Variants in TCP1 observed in about 807,000 individuals in gnomAD.
The protein encoded by TCP1 is t-complex 1.
A neutral mutation model predicts 54.7 loss-of-function variants in TCP1; 6 were observed. That is an observed-to-expected ratio of 0.11 (90% CI 0.06 to 0.22). The LOEUF (loss-of-function observed/expected upper bound fraction) is 0.22. TCP1 is among the 10% of genes least tolerant of loss of function. The pLI is 1.00. For missense variants in TCP1, 511 were observed against 678.2 expected (o/e 0.75, Z 2.74); for synonymous variants, 225 against 229.7 (o/e 0.98, Z 0.19).
rs1181094729 is a variant in TCP1, at chr6:159,778,972, T to C, written c.*73A>G. ...CCAAGTTTACAGCTTGTACTTTACTTTAATGTGTAATACTCAACTCAAGGT... is the reference window on the plus strand; with the variant it reads ...CCAAGTTTACAGCTTGTACTTTACTCTAATGTGTAATACTCAACTCAAGGT... On this transcript the variant is annotated 3_prime_UTR_variant, in exon 12 of 12. Transcript: ENST00000321394. 6.4e-7 allele frequency: 1 copy of C among 1,563,794 alleles called. No homozygotes were observed. The highest frequency in any genetic ancestry group is 1.4e-5 in the African/African-American group (1 of 73,578).
At position 159,784,001 on chromosome 6, in the gene TCP1, A is replaced by G; in HGVS notation, c.737T>C (p.Met246Thr). The G allele has an allele frequency of 6.2e-7, 1 of 1,613,430 alleles. No individual in the cohort carries two copies. Among genetic ancestry groups the G allele is most frequent in the South Asian group, 1.1e-5 (1 of 91,022 alleles). ...AATGACCACCTGTACACCAAGCTTCATTTTTGTTTTTTGCAGGCTGAAGTC... is the reference window on the plus strand; with the variant it reads ...AATGACCACCTGTACACCAAGCTTCGTTTTTGTTTTTTGCAGGCTGAAGTC... ...CLDFSLQKTK[M>T]KLGVQVVITD... The change falls in exon 7 of 12, where the codon ATG (methionine) becomes ACG (threonine). Residue 246 changes from methionine to threonine, a missense_variant. This residue lies in a region of TCP1 where 305 missense variants were observed against 352.8 expected (regional missense o/e 0.86). Transcript: ENST00000321394.
At chr6:159,785,190 C>T (rs939463117) in intron 5 of TCP1, 196 bp downstream of exon 5, 3 of 613,354 alleles carry the variant, frequency 4.9e-6, no homozygotes, top group Non-Finnish European at 8.6e-6. Context: ...GTGCGCGCAA[C>T]ACATGCGCAC....
intron 3 of TCP1, 133 bp downstream of exon 3, chr6:159,787,610 C>T: frequency 8.4e-7 from 1 of 1,189,144 alleles, no homozygotes; most frequent in Non-Finnish European, 1.2e-6. Context: ...GTTTTTTCTT[C>T]TTGCTCAATC....
intron 3 of TCP1, among the ~76,000 whole-genome samples, chr6:159,786,667 T>TA (rs1780704896): frequency 6.6e-6 from 1 of 152,250 alleles, no homozygotes; most frequent in Non-Finnish European, 1.5e-5. Flanking sequence ...TATCGTAAGT[T>TA]AGACAAAGAT....
At position 159,785,875 on chromosome 6, in the gene TCP1, T is replaced by C. The variant is rs751094594; in HGVS notation, c.377+25A>G. 8 of 1,593,280 alleles carry C rather than the reference T, an allele frequency of 5.0e-6. No individual in the cohort carries two copies. In the South Asian group the frequency reaches 8.8e-5, roughly 18 times the overall value. ...TTTACAACTATTACATCAAAAAAAATTTCTCTGAATGCAAACAATCTTACT... is the reference window on the plus strand; with the variant it reads ...TTTACAACTATTACATCAAAAAAAACTTCTCTGAATGCAAACAATCTTACT... On this transcript the variant is annotated intron_variant, in intron 4 of 11. Coordinates refer to ENST00000321394, the MANE Select transcript of TCP1 (RefSeq NM_030752.3).
intron 5 of TCP1, 39 bp from the exon 6 acceptor site, chr6:159,784,886 G>C: frequency 6.2e-7 from 1 of 1,602,584 alleles, no homozygotes; most frequent in Non-Finnish European, 8.6e-7. Flanking sequence ...GTTTGGAATG[G>C]ACAAAGGGTA....
At chr6:159,779,472 TAC>T in intron 11 of TCP1, 153 bp downstream of exon 11, 1 of 1,106,206 alleles carries the variant, frequency 9.0e-7, no homozygotes, top group East Asian at 2.5e-5. Context: ...TCCCTTGAAT[TAC>T]AGTGACTGAA....
chr6:159,786,171 A>T (rs979483580), intron 3 of TCP1, among the ~76,000 whole-genome samples, 174 bp from the exon 4 acceptor site: 97 of 152,226 alleles, frequency 6.4e-4, no homozygotes, highest in African/African-American at 2.1e-3. Context: ...AAACACTCCA[A>T]GTCCTCCACG....
In TCP1 at chr6:159,785,991, T is replaced by C. The variant is rs748185047; in HGVS notation, c.286A>G (p.Ile96Val). 4.3e-5 allele frequency: 70 copies of C among 1,613,110 alleles called. No individual in the cohort carries two copies. The highest frequency in any genetic ancestry group is 4.9e-5 in the Non-Finnish European group (58 of 1,179,468). ...VGDGTTSVVI[I>V]AAELLKNADE... ...GCATTTTTTAGGAGTTCTGCTGCAATAATAACCTGTTGAGAAAACATTCAC... is the reference window on the plus strand; with the variant it reads ...GCATTTTTTAGGAGTTCTGCTGCAACAATAACCTGTTGAGAAAACATTCAC... The change falls in exon 4 of 12, where the codon ATT becomes GTT. Residue 96 changes from isoleucine to valine, a missense_variant. Physicochemically the swap from Ile to Val is conservative, Grantham distance 29. This residue lies in a region of TCP1 where 54 missense variants were observed against 111.8 expected (regional missense o/e 0.48). Coordinates refer to ENST00000321394, the MANE Select transcript of TCP1 (RefSeq NM_030752.3).
chr6:159,778,641 T>A lies in TCP1; in HGVS notation c.*404A>T. On this transcript the variant is annotated 3_prime_UTR_variant, in exon 12 of 12. Coordinates refer to ENST00000321394, the MANE Select transcript of TCP1 (RefSeq NM_030752.3). ...TCCACAGAAGAATAAACAATCTAAA[T>A]CTTTTCTCCCCCGTTAGGTCAATAT... The A allele has an allele frequency of 6.2e-7, 1 of 1,611,812 alleles. No homozygotes were observed. Among genetic ancestry groups the A allele is most frequent in the Non-Finnish European group, 8.5e-7 (1 of 1,178,338 alleles).
rs571101790 is a variant in TCP1, at chr6:159,778,865, A to T, written c.*180T>A. The T allele has an allele frequency of 2.5e-6, 4 of 1,613,270 alleles. No individual in the cohort carries two copies. In the South Asian group the frequency reaches 4.4e-5, roughly 18 times the overall value. Reference sequence around the variant, plus strand: ...CTTTGAACAACCTCAATTTCTTTTTAAACTAATAAAGTACTAGGTTGCAAT... The same window carrying T: ...CTTTGAACAACCTCAATTTCTTTTTTAACTAATAAAGTACTAGGTTGCAAT... On this transcript the variant is annotated 3_prime_UTR_variant, in exon 12 of 12. Coordinates refer to ENST00000321394, the MANE Select transcript of TCP1 (RefSeq NM_030752.3).
rs754468172 is a variant in TCP1 at position 159,779,990 on chromosome 6, C to A, written c.1195G>T (p.Val399Leu). ...GATTTTGACTCCAAAACTCTCTTCACTACACAAAGTGCATCATGTAAAGAG... is the reference window on the plus strand; with the variant it reads ...GATTTTGACTCCAAAACTCTCTTCAATACACAAAGTGCATCATGTAAAGAG... ...ERSLHDALCV[V>L]KRVLESKSVV... Residue 399 changes from valine to leucine, a missense_variant, in exon 10 of 12, where the codon GTG becomes TTG. Physicochemically the swap from Val to Leu is conservative, Grantham distance 32. Around this residue, in one of 5 missense-constraint regions of TCP1, gnomAD observed 305 missense variants for 352.8 expected, o/e 0.86. Transcript: ENST00000321394. The A allele has an allele frequency of 1.2e-6, 2 of 1,614,164 alleles. No homozygotes were observed. Among genetic ancestry groups the A allele is most frequent in the South Asian group, 1.1e-5 (1 of 91,088 alleles).
At chr6:159,784,569 G>A in intron 6 of TCP1, 97 bp downstream of exon 6, 10 of 1,307,800 alleles carry the variant, frequency 7.6e-6, no homozygotes, top group Admixed American at 2.2e-5. Context: ...CTCCCAAAGT[G>A]CTGGGATTAC....
chr6:159,785,735 A>C (rs757949450), intron 4 of TCP1, 165 bp downstream of exon 4: 8 of 795,586 alleles, frequency 1.0e-5, no homozygotes, highest in African/African-American at 1.7e-5. Flanking sequence ...AATGAGAAAA[A>C]AGATACTGGT....
chr6:159,778,526 C>A lies in TCP1; in HGVS notation c.*519G>T. 1 of 1,018,642 alleles carries A rather than the reference C, an allele frequency of 9.8e-7. No individual in the cohort carries two copies. The allele number at this position is 1,018,642 out of a possible 1,614,324, so 63.1% of individuals were successfully genotyped here. A position where few individuals can be genotyped will look rare whatever the true frequency, so the allele number is the denominator to read the frequency against. On this transcript the variant is annotated 3_prime_UTR_variant, in exon 12 of 12. Coordinates refer to ENST00000321394, the MANE Select transcript of TCP1 (RefSeq NM_030752.3). ...ATTTTCACAAAGGTGTAAATTTATT[C>A]CTAAGCAGTTAAAATGAAAATTTGA...
chr6:159,784,967 A>G (rs1583141827), intron 5 of TCP1, 120 bp from the exon 6 acceptor site: 1 of 935,260 alleles, frequency 1.1e-6, no homozygotes, highest in East Asian at 2.5e-5. Context: ...AGCAGCAAGC[A>G]TTACTTGTCA....
chr6:159,779,823 A>C (rs1780528038), intron 10 of TCP1, 33 bp from the exon 11 acceptor site: 1 of 1,587,318 alleles, frequency 6.3e-7, no homozygotes, highest in African/African-American at 1.4e-5. Flanking sequence ...TGACTTCACA[A>C]AAGGGAAAAA....
At chr6:159,781,258 G>A (rs1780570035) in intron 7 of TCP1, 148 bp from the exon 8 acceptor site, 2 of 764,494 alleles carry the variant, frequency 2.6e-6, no homozygotes, top group South Asian at 2.9e-5. Flanking sequence ...TCCAATTCAT[G>A]GAAAATTTGA....
chr6:159,785,243 C>T, intron 5 of TCP1, 143 bp downstream of exon 5: 1 of 679,684 alleles, frequency 1.5e-6, no homozygotes, highest in South Asian at 1.8e-5. Context: ...ATGTTGCCCA[C>T]ATTGGACTGG....
Sources: allele counts gnomAD v4.1 joint callset (sites outside exome capture counted in the v4.1 genomes callset), GRCh38; gene constraint gnomAD v4.1.1; regional missense constraint gnomAD v4.1.1; transcripts MANE v1.5; gene names NCBI Gene and HGNC (gene_info 2026-07-23, HGNC 2026-07-21).